Variants in NEGR1 observed in about 807,000 individuals in gnomAD.
NEGR1 encodes the protein neuronal growth regulator 1.
Under a neutral mutation model 40.9 loss-of-function variants are expected in NEGR1, and 10 were observed. That is an observed-to-expected ratio of 0.24 (90% CI 0.15 to 0.42). NEGR1 has a LOEUF of 0.42. NEGR1 is among the 10% of genes least tolerant of loss of function. The probability of loss-of-function intolerance (pLI) is 1.00; values close to 1 mark genes in which losing one functional copy is unlikely to be tolerated. For missense variants in NEGR1, 352 were observed against 438.9 expected (o/e 0.80, Z 1.77); for synonymous variants, 185 against 166.8 (o/e 1.11, Z -0.84).
intron 1 of NEGR1, among the ~76,000 whole-genome samples, chr1:71,961,567 G>T (rs1037332690): frequency 6.6e-6 from 1 of 152,044 alleles, no homozygotes; most frequent in African/African-American, 2.4e-5. Flanking sequence ...GGAAGTCATT[G>T]ACTGAACAGG....
At chr1:71,817,032 C>T (rs997389110) in intron 2 of NEGR1, among the ~76,000 whole-genome samples, 3 of 152,074 alleles carry the variant, frequency 2.0e-5, no homozygotes, top group African/African-American at 7.2e-5. Flanking sequence ...CCACAGCAAG[C>T]CAACTTGCCA....
At chr1:71,825,635 G>A (rs1334211251) in intron 2 of NEGR1, among the ~76,000 whole-genome samples, 1 of 151,844 alleles carries the variant, frequency 6.6e-6, no homozygotes, top group Non-Finnish European at 1.5e-5. Context: ...TGTGCAAGGT[G>A]TGGAATCTCT....
At chr1:72,068,271 C>T (rs1408531579) in intron 1 of NEGR1, among the ~76,000 whole-genome samples, 1 of 152,166 alleles carries the variant, frequency 6.6e-6, no homozygotes, top group Admixed American at 6.6e-5. Context: ...CACCACATGG[C>T]AGGATCCAGG....
intron 2 of NEGR1, among the ~76,000 whole-genome samples, chr1:71,888,121 A>G (rs1203571272): frequency 6.6e-6 from 1 of 152,120 alleles, no homozygotes; most frequent in Admixed American, 6.6e-5. Context: ...CTCCCATAGT[A>G]GAGGTTAGAT....
chr1:71,552,739 T>A (rs1178044436), intron 6 of NEGR1, among the ~76,000 whole-genome samples: 1 of 151,282 alleles, frequency 6.6e-6, no homozygotes, highest in Admixed American at 6.6e-5. Context: ...CTTTCCCTTA[T>A]TGCACTAGTT....
chr1:71,705,126 T>C (rs1386885669), intron 3 of NEGR1, among the ~76,000 whole-genome samples: 1 of 152,160 alleles, frequency 6.6e-6, no homozygotes, highest in East Asian at 1.9e-4. Context: ...CAAAGACTTC[T>C]ATGAAAAATA....
chr1:71,759,143 T>C (rs1044686138), intron 3 of NEGR1, among the ~76,000 whole-genome samples: 3 of 152,146 alleles, frequency 2.0e-5, no homozygotes, highest in African/African-American at 4.8e-5. Flanking sequence ...ATTGTATACA[T>C]TGGTAGTACC....
intron 2 of NEGR1, among the ~76,000 whole-genome samples, chr1:71,882,489 AT>A (rs1423658247): frequency 2.6e-5 from 4 of 152,026 alleles, no homozygotes; most frequent in Non-Finnish European, 1.5e-5. Flanking sequence ...TTAACAGAAA[AT>A]TTATTTTTTC....
At chr1:72,076,870 G>T (rs1028628790) in intron 1 of NEGR1, among the ~76,000 whole-genome samples, 7 of 143,664 alleles carry the variant, frequency 4.9e-5, no homozygotes, top group Non-Finnish European at 9.1e-5. Context: ...AAGAAAATGT[G>T]TGCTTTTTTC....
At chr1:71,627,157 A>G (rs368130209) in intron 4 of NEGR1, among the ~76,000 whole-genome samples, 15 of 152,282 alleles carry the variant, frequency 9.9e-5, no homozygotes, top group Admixed American at 8.5e-4. Context: ...TATATACCCA[A>G]AGGATTATAA....
At position 71,977,770 on chromosome 1, in the gene NEGR1, A is replaced by G. The variant is rs1439782222; in HGVS notation, c.177-42459T>C. ...CTAAGGAAAATAGTAGAAAAGTAGA[A>G]GTCAAAAAAAAAAAAAAAAGGAACC... On this transcript the variant is annotated intron_variant, in intron 1 of 6. Transcript: ENST00000357731. Among the ~76,000 whole-genome samples, 7 of 128,458 alleles carry G rather than the reference A, an allele frequency of 5.4e-5. No individual in the cohort carries two copies. In the East Asian group the frequency reaches 9.4e-4, roughly 17 times the overall value. 84.3% of individuals were successfully genotyped at this position (128,458 alleles called of 152,430 possible). A position where few individuals can be genotyped will look rare whatever the true frequency, so the allele number is the denominator to read the frequency against.
chr1:71,882,051 A>G (rs116829613), intron 2 of NEGR1, among the ~76,000 whole-genome samples: 1 of 152,112 alleles, frequency 6.6e-6, no homozygotes, highest in Non-Finnish European at 1.5e-5. Flanking sequence ...GTTTGGGAAT[A>G]TTCTCTTCCA....
chr1:71,591,977 A>C (rs1179599924), intron 6 of NEGR1, among the ~76,000 whole-genome samples: 1 of 152,122 alleles, frequency 6.6e-6, no homozygotes, highest in Non-Finnish European at 1.5e-5. Flanking sequence ...TTGTCAAGTT[A>C]CCATAAAATA....
chr1:71,727,225 C>T (rs1654703223), intron 3 of NEGR1, among the ~76,000 whole-genome samples: 1 of 152,024 alleles, frequency 6.6e-6, no homozygotes, highest in African/African-American at 2.4e-5. Flanking sequence ...GGATGCTCTT[C>T]TATTTCTTAT....
intron 6 of NEGR1, among the ~76,000 whole-genome samples, chr1:71,467,531 T>G (rs1465475478): frequency 1.3e-5 from 2 of 152,082 alleles, no homozygotes; most frequent in Non-Finnish European, 2.9e-5. Flanking sequence ...GTGAACTAAT[T>G]ATTTTAATTT....
At chr1:71,798,086 G>A (rs1364426026) in intron 2 of NEGR1, 3 of 151,914 alleles carry the variant, frequency 2.0e-5, no homozygotes, top group Non-Finnish European at 4.4e-5. Flanking sequence ...CTTCCAGACT[G>A]GATACTCTCT....
intron 1 of NEGR1, among the ~76,000 whole-genome samples, chr1:72,254,508 C>T (rs1349087169): frequency 6.6e-6 from 1 of 151,970 alleles, no homozygotes; most frequent in East Asian, 1.9e-4. Context: ...CGTGACCATC[C>T]TGACTAACAC....
At chr1:72,037,587 A>AT (rs1646914355) in intron 1 of NEGR1, among the ~76,000 whole-genome samples, 1 of 152,072 alleles carries the variant, frequency 6.6e-6, no homozygotes, top group African/African-American at 2.4e-5. Context: ...CTTCGTTGTC[A>AT]TTTTTTGTCA....
chr1:71,591,704 C>T (rs768846778), intron 6 of NEGR1, among the ~76,000 whole-genome samples: 5 of 151,938 alleles, frequency 3.3e-5, no homozygotes, highest in South Asian at 4.1e-4. Context: ...TCTTTCAAAT[C>T]GAGTGCTAAA....
Sources: allele counts gnomAD v4.1 joint callset (sites outside exome capture counted in the v4.1 genomes callset), GRCh38; gene constraint gnomAD v4.1.1; transcripts MANE v1.5; gene names NCBI Gene and HGNC (gene_info 2026-07-23, HGNC 2026-07-21).